The following EFCAB6 variants were observed in gnomAD, a reference collection of about 807,000 sequenced individuals.
The protein encoded by EFCAB6 is EF-hand calcium binding domain 6.
EFCAB6 carries 156 observed loss-of-function variants against 169.8 expected under a neutral mutation model. That is an observed-to-expected ratio of 0.92 (90% CI 0.81 to 1.05). The LOEUF is 1.05. Among genes scored for constraint, EFCAB6 ranks in the 50% least tolerant of loss-of-function variants. The pLI is 0.00. For missense variants in EFCAB6, 1,800 were observed against 1,829.1 expected (o/e 0.98, Z 0.29); for synonymous variants, 698 against 676.4 (o/e 1.03, Z -0.50).
At chr22:43,663,976 G>T (rs2057126918) in intron 17 of EFCAB6, among the ~76,000 whole-genome samples, 1 of 152,224 alleles carries the variant, frequency 6.6e-6, no homozygotes, top group Non-Finnish European at 1.5e-5. Flanking sequence ...CAAAGTCCTT[G>T]CTGGGTTTCT....
chr22:43,796,304 G>A (rs928921979), intron 2 of EFCAB6, among the ~76,000 whole-genome samples: 1 of 151,968 alleles, frequency 6.6e-6, no homozygotes, highest in African/African-American at 2.4e-5. Flanking sequence ...GTTTGATCAT[G>A]TGCTCAGCAC....
At chr22:43,600,312 T>A (rs1229196899) in intron 22 of EFCAB6, 49 bp from the exon 23 acceptor site, 1 of 1,580,354 alleles carries the variant, frequency 6.3e-7, no homozygotes, top group Non-Finnish European at 8.6e-7. Flanking sequence ...GCCAGTAAGG[T>A]GTGCTGATGC....
At chr22:43,735,724 T>G in intron 7 of EFCAB6, 133 bp downstream of exon 7, 1 of 1,111,928 alleles carries the variant, frequency 9.0e-7, no homozygotes, top group Non-Finnish European at 1.3e-6. Flanking sequence ...GAGTGCCTCT[T>G]TGAGAAATAA....
chr22:43,787,032 T>C (rs6006544), intron 2 of EFCAB6, among the ~76,000 whole-genome samples: 135,026 of 152,198 alleles, frequency 0.89, 59,959 homozygotes, highest in East Asian at 0.99. Flanking sequence ...AAAATAAACA[T>C]TCAACAAATT....
Position 43,528,951 on chromosome 22 carries a change from GGTT to G in EFCAB6, c.4405_4407del (p.Asn1469del). On this transcript the variant is annotated inframe_deletion, in exon 32 of 32. Transcript: ENST00000262726. Reference sequence around the variant, plus strand: ...ATATGGAAGAACTCTTCCTCAGAGAGGTTGATGCTGTACTGTCTCAGGACCTGG... The same window carrying G: ...ATATGGAAGAACTCTTCCTCAGAGAGGATGCTGTACTGTCTCAGGACCTGG... The G allele has an allele frequency of 6.2e-7, 1 of 1,604,382 alleles. No individual in the cohort carries two copies. The highest frequency in any genetic ancestry group is 8.5e-7 in the Non-Finnish European group (1 of 1,172,026).
chr22:43,713,162 T>TA (rs957309308), intron 9 of EFCAB6, among the ~76,000 whole-genome samples: 8 of 151,344 alleles, frequency 5.3e-5, no homozygotes, highest in South Asian at 2.1e-4. Context: ...ATCATACCAC[T>TA]AAAAAAAAAT....
chr22:43,582,601 GA>G (rs961549128), intron 24 of EFCAB6, among the ~76,000 whole-genome samples: 4 of 152,106 alleles, frequency 2.6e-5, no homozygotes, highest in African/African-American at 7.2e-5. Context: ...TGTAAATCAA[GA>G]AACAAAGAGA....
chr22:43,598,884 A>G (rs1419624403), intron 23 of EFCAB6, among the ~76,000 whole-genome samples: 1 of 152,224 alleles, frequency 6.6e-6, no homozygotes, highest in African/African-American at 2.4e-5. Flanking sequence ...TGATTTGATC[A>G]TTACACATTG....
chr22:43,775,856 G>T (rs968747690), intron 3 of EFCAB6, among the ~76,000 whole-genome samples: 1 of 152,200 alleles, frequency 6.6e-6, no homozygotes, highest in Non-Finnish European at 1.5e-5. Context: ...CTTAGCTGAG[G>T]TTCCAGGCAA....
intron 26 of EFCAB6, among the ~76,000 whole-genome samples, chr22:43,573,946 A>G (rs1329849230): frequency 1.3e-5 from 2 of 152,196 alleles, no homozygotes; most frequent in Non-Finnish European, 2.9e-5. Flanking sequence ...GTAATTTCAT[A>G]CAGTCCAACC....
chr22:43,693,224 C>G (rs1476515447), intron 10 of EFCAB6, among the ~76,000 whole-genome samples: 1 of 151,814 alleles, frequency 6.6e-6, no homozygotes, highest in African/African-American at 2.4e-5. Context: ...CCCGGATAGG[C>G]TGAAAGTAAA....
At chr22:43,536,073 C>G (rs1017246139) in intron 29 of EFCAB6, 1 of 152,036 alleles carries the variant, frequency 6.6e-6, no homozygotes, top group Non-Finnish European at 1.5e-5. Context: ...TCTGACAAGC[C>G]TATCATAATA....
rs145047664 is a variant in EFCAB6, at chr22:43,799,235, T to C, written c.-8+9760A>G. Among the ~76,000 whole-genome samples, 40 of 151,752 alleles carry C rather than the reference T, an allele frequency of 2.6e-4. No individual in the cohort carries two copies. The East Asian group carries it at 3.9e-3, about 15-fold the overall frequency. ...GTCCCAGGTGCTCAGGAGGCTGAGA[T>C]GGGAGGATCACTTGAGCCCAGGAGT... On this transcript the variant is annotated intron_variant, in intron 2 of 31. Coordinates refer to ENST00000262726, the MANE Select transcript of EFCAB6 (RefSeq NM_022785.4).
At chr22:43,530,486 G>A in intron 31 of EFCAB6, 1 of 978,210 alleles carries the variant, frequency 1.0e-6, no homozygotes, top group Non-Finnish European at 1.2e-6. Flanking sequence ...GAGCCCAGGT[G>A]TGGGGAGAGG....
chr22:43,737,187 T>C (rs975043700), intron 6 of EFCAB6, among the ~76,000 whole-genome samples: 2 of 152,044 alleles, frequency 1.3e-5, no homozygotes, highest in African/African-American at 2.4e-5. Context: ...CCTCCCTGGC[T>C]CTCCTAACTT....
chr22:43,576,322 T>G lies in EFCAB6; in HGVS notation c.3395A>C (p.Gln1132Pro), dbSNP rs2050254121. The change falls in exon 26 of 32, where the codon CAG becomes CCG. Residue 1132 changes from glutamine to proline, a missense_variant. Physicochemically the swap from Gln to Pro is moderately conservative, Grantham distance 76. Transcript: ENST00000262726. ...CTCCTCAAGGAAACAGCTAAAGTTC[T>G]GGAGAAAATATTTCCAATTTATATA... is the stretch of plus-strand genomic sequence containing the variant. ...TPYINWKYFL[Q>P]NFSCFLEETA... 6.3e-7 allele frequency: 1 copy of G among 1,592,754 alleles called. No homozygotes were observed. The highest frequency in any genetic ancestry group is 1.2e-5 in the South Asian group (1 of 85,808).
intron 31 of EFCAB6, among the ~76,000 whole-genome samples, chr22:43,529,765 T>G (rs2046946985): frequency 6.6e-6 from 1 of 152,136 alleles, no homozygotes; most frequent in Non-Finnish European, 1.5e-5. Context: ...TCCCTGATGA[T>G]TGTCCAGCCA....
At chr22:43,736,064 G>A (rs1446380958) in intron 6 of EFCAB6, 71 bp from the exon 7 acceptor site, 2 of 1,415,584 alleles carry the variant, frequency 1.4e-6, no homozygotes, top group Non-Finnish European at 1.9e-6. Flanking sequence ...ATAAAAATGT[G>A]AAAGTTTTTT....
chr22:43,660,052 G>A (rs1273362743), intron 17 of EFCAB6, among the ~76,000 whole-genome samples: 4 of 152,212 alleles, frequency 2.6e-5, no homozygotes, highest in Non-Finnish European at 4.4e-5. Flanking sequence ...GGGGTCTCCA[G>A]AGGTGGTACT....
Sources: gnomAD v4.1 joint callset for allele counts (sites outside exome capture counted in the v4.1 genomes callset) on GRCh38, gnomAD v4.1.1 for gene constraint, MANE v1.5 for transcripts, NCBI Gene and HGNC (gene_info 2026-07-23, HGNC 2026-07-21) for gene names.